The following SLC39A8 variants were observed in gnomAD, a reference collection of about 807,000 sequenced individuals.
The protein encoded by SLC39A8 is solute carrier family 39 member 8.
A neutral mutation model predicts 40.4 loss-of-function variants in SLC39A8; 15 were observed. The observed-to-expected ratio is 0.37, with a 90% CI of 0.25 to 0.57. The LOEUF (loss-of-function observed/expected upper bound fraction) is 0.57. Ranked by LOEUF, SLC39A8 falls within the 20% of genes least tolerant of loss-of-function variation. The pLI, the probability that SLC39A8 is intolerant of heterozygous loss-of-function variation, is 0.75. For synonymous variants in SLC39A8, 223 were observed against 221.6 expected, an observed-to-expected ratio of 1.01 and a Z score of -0.06; for missense variants, 472 against 558.8, an observed-to-expected ratio of 0.84 and a Z score of 1.57.
chr4:102,332,146 A>C (rs1345110338), intron 2 of SLC39A8, among the ~76,000 whole-genome samples: 1 of 152,220 alleles, frequency 6.6e-6, no homozygotes, highest in Non-Finnish European at 1.5e-5. Context: ...CAATGGCAAC[A>C]AAAGCCAAAA....
chr4:102,341,750 C>T (rs1014876518), intron 2 of SLC39A8, among the ~76,000 whole-genome samples: 6 of 152,088 alleles, frequency 3.9e-5, no homozygotes, highest in African/African-American at 4.8e-5. Flanking sequence ...CTTAAGGATA[C>T]GAAGAAAAAT....
intron 6 of SLC39A8, among the ~76,000 whole-genome samples, chr4:102,270,824 TA>T (rs1200921672): frequency 1.3e-5 from 2 of 151,932 alleles, no homozygotes; most frequent in Non-Finnish European, 2.9e-5. Flanking sequence ...GCACCAAAGT[TA>T]AAAAAATAGA....
rs1297582747 is a variant in SLC39A8 at position 102,262,376 on chromosome 4, C to T, written c.*668G>A. 5.1e-6 allele frequency: 5 copies of T among 985,376 alleles called. No individual in the cohort carries two copies. The highest frequency in any genetic ancestry group is 6.0e-6 in the Non-Finnish European group (5 of 829,926). 61.0% of individuals were successfully genotyped at this position (985,376 alleles called of 1,614,324 possible). A position where few individuals can be genotyped will look rare whatever the true frequency, so the allele number is the denominator to read the frequency against. On this transcript the variant is annotated 3_prime_UTR_variant, in exon 9 of 9. Transcript: ENST00000356736. ...TTCGTGGAATCTGGTGAAGTTTATA[C>T]TTAGCGATAAGCCTCTAAGCCTGAA...
chr4:102,327,255 T>C (rs935144434), intron 2 of SLC39A8, among the ~76,000 whole-genome samples: 3 of 152,148 alleles, frequency 2.0e-5, no homozygotes, highest in African/African-American at 7.2e-5. Flanking sequence ...AGTGAGACCC[T>C]GTCTCAAAAA....
At chr4:102,304,573 G>A (rs778591806) in intron 5 of SLC39A8, 92 bp from the exon 6 acceptor site, 1 of 1,034,194 alleles carries the variant, frequency 9.7e-7, no homozygotes, top group Admixed American at 2.7e-5. Context: ...TTATTTATAA[G>A]AGGAAAATTG....
chr4:102,270,472 A>G (rs1312965988), intron 6 of SLC39A8, among the ~76,000 whole-genome samples: 1 of 152,194 alleles, frequency 6.6e-6, no homozygotes. Context: ...AGCAGAGAGA[A>G]CACTAAATTC....
At position 102,282,936 on chromosome 4, in the gene SLC39A8, C is replaced by T. The variant is rs186054032; in HGVS notation, c.841-14857G>A. Among the ~76,000 whole-genome samples, 8 of 152,262 alleles carry T rather than the reference C, an allele frequency of 5.3e-5. No homozygotes were observed. In the South Asian group the frequency reaches 6.2e-4, roughly 12 times the overall value. On this transcript the variant is annotated intron_variant, in intron 6 of 8. Transcript: ENST00000356736. Reference sequence around the variant, plus strand: ...AGAGACAGGGTTTCACCGTGTTAGCCGGGATGGTCTCGATCTCTTGACCTC... The same window carrying T: ...AGAGACAGGGTTTCACCGTGTTAGCTGGGATGGTCTCGATCTCTTGACCTC...
chr4:102,317,261 A>C (rs1734703255), intron 2 of SLC39A8, among the ~76,000 whole-genome samples: 2 of 152,152 alleles, frequency 1.3e-5, no homozygotes, highest in African/African-American at 4.8e-5. Flanking sequence ...AAAATGAAAA[A>C]ACATCAAATA....
chr4:102,331,439 C>T (rs1223754447), intron 2 of SLC39A8, among the ~76,000 whole-genome samples: 2 of 152,046 alleles, frequency 1.3e-5, no homozygotes, highest in Non-Finnish European at 2.9e-5. Context: ...GAATAAAATA[C>T]CTAGGAATAC....
chr4:102,315,885 G>T, intron 2 of SLC39A8, 55 bp from the exon 3 acceptor site: 2 of 1,452,530 alleles, frequency 1.4e-6, no homozygotes, highest in Non-Finnish European at 9.4e-7. Flanking sequence ...AAGCACATAA[G>T]CAAAGATGCT....
chr4:102,316,984 C>A (rs565647378), intron 2 of SLC39A8, among the ~76,000 whole-genome samples: 1 of 152,210 alleles, frequency 6.6e-6, no homozygotes, highest in Non-Finnish European at 1.5e-5. Context: ...AGGAGAGAGC[C>A]CTCACAGACA....
intron 6 of SLC39A8, among the ~76,000 whole-genome samples, chr4:102,291,140 C>T (rs1733422182): frequency 6.6e-6 from 1 of 152,024 alleles, no homozygotes; most frequent in Non-Finnish European, 1.5e-5. Context: ...TGACAAACTC[C>T]TTAAAATAGT....
intron 3 of SLC39A8, among the ~76,000 whole-genome samples, chr4:102,311,257 T>C (rs1295506753): frequency 1.3e-5 from 2 of 152,126 alleles, no homozygotes; most frequent in Admixed American, 1.3e-4. Context: ...ATAGAGTTAT[T>C]ACAAGAATAA....
chr4:102,322,720 G>C lies in SLC39A8; in HGVS notation c.220-6890C>G, dbSNP rs189586094. ...CAGAAATGGTTTCAGATTTTGTTTTGCAATAGATTGAGATTCTGTGGGAGG... is the reference window on the plus strand; with the variant it reads ...CAGAAATGGTTTCAGATTTTGTTTTCCAATAGATTGAGATTCTGTGGGAGG... On this transcript the variant is annotated intron_variant, in intron 2 of 8. Transcript: ENST00000356736. Among the ~76,000 whole-genome samples the C allele has an allele frequency of 9.5e-4, 145 of 152,208 alleles. 4 individuals carry two copies. Among genetic ancestry groups the C allele is most frequent in the Admixed American group, 9.5e-3 (145 of 15,270 alleles).
intron 2 of SLC39A8, among the ~76,000 whole-genome samples, chr4:102,342,267 G>C (rs565395686): frequency 6.6e-6 from 1 of 152,174 alleles, no homozygotes; most frequent in Admixed American, 6.5e-5. Flanking sequence ...TTGGGAGACC[G>C]AGGCCGGCGG....
At chr4:102,266,957 C>T (rs1226189024) in intron 8 of SLC39A8, among the ~76,000 whole-genome samples, 2 of 152,172 alleles carry the variant, frequency 1.3e-5, no homozygotes, top group Non-Finnish European at 2.9e-5. Flanking sequence ...TACAAAGACA[C>T]AGACATTGAA....
chr4:102,343,956 G>C (rs1736045513), intron 2 of SLC39A8, among the ~76,000 whole-genome samples: 1 of 152,138 alleles, frequency 6.6e-6, no homozygotes, highest in South Asian at 2.1e-4. Context: ...CTCATGTAAT[G>C]TACACAGGAG....
At chr4:102,259,668 C>A (rs1384287151), downstream of SLC39A8, among the ~76,000 whole-genome samples, 1 of 152,104 alleles carries the variant, frequency 6.6e-6, no homozygotes, top group Admixed American at 6.5e-5. Context: ...TTTAATAGTC[C>A]CTGAATAGTA....
intron 6 of SLC39A8, among the ~76,000 whole-genome samples, chr4:102,292,621 G>A (rs1037480816): frequency 5.3e-5 from 8 of 152,056 alleles, no homozygotes; most frequent in South Asian, 2.1e-4. Flanking sequence ...CATATGATTC[G>A]ATGACTTTGA....
Sources: allele counts gnomAD v4.1 joint callset (sites outside exome capture counted in the v4.1 genomes callset), GRCh38; gene constraint gnomAD v4.1.1; transcripts MANE v1.5; gene names NCBI Gene and HGNC (gene_info 2026-07-23, HGNC 2026-07-21).